The following TMEM232 variants were observed in gnomAD, a reference collection of about 807,000 sequenced individuals.
TMEM232 encodes transmembrane protein 232.
Under a neutral mutation model 78.8 loss-of-function variants are expected in TMEM232, and 80 were observed. That is an observed-to-expected ratio of 1.01 (90% CI 0.85 to 1.22). TMEM232 has a LOEUF of 1.22. Ranked by LOEUF, TMEM232 falls within the 50% of genes most tolerant of loss-of-function variation. The probability of loss-of-function intolerance (pLI) is 0.00; values close to 1 mark genes in which losing one functional copy is unlikely to be tolerated. For missense variants in TMEM232, 881 were observed against 742.2 expected, an observed-to-expected ratio of 1.19 and a Z score of -2.17; for synonymous variants, 297 against 254.3, an observed-to-expected ratio of 1.17 and a Z score of -1.60.
At chr5:110,635,688 A>T (rs1337051898) in intron 5 of TMEM232, among the ~76,000 whole-genome samples, 1 of 151,954 alleles carries the variant, frequency 6.6e-6, no homozygotes, top group Non-Finnish European at 1.5e-5. Context: ...AAAATAATAA[A>T]GACCATATAC....
At chr5:110,665,436 TCA>T (rs1353646297) in intron 2 of TMEM232, among the ~76,000 whole-genome samples, 1 of 152,038 alleles carries the variant, frequency 6.6e-6, no homozygotes, top group Non-Finnish European at 1.5e-5. Flanking sequence ...TTTAATTGAC[TCA>T]CAGTTCCGCA....
chr5:110,710,289 C>T (rs1477580700), intron 1 of TMEM232, among the ~76,000 whole-genome samples: 1 of 151,918 alleles, frequency 6.6e-6, no homozygotes, highest in Non-Finnish European at 1.5e-5. Context: ...GTGCAGGACT[C>T]AATGGTTTCA....
chr5:110,402,175 A>ATATTTCAGTT lies in TMEM232; in HGVS notation n.309-4331_309-4322dup, dbSNP rs374829206. ...TTGCATCATTGCTCATTTCCTACAGATATTTCAGTTTGCAATCCCCGTTCT... is the reference window on the plus strand; with the variant it reads ...TTGCATCATTGCTCATTTCCTACAGATATTTCAGTTTATTTCAGTTTGCAATCCCCGTTCT... On this transcript the variant is annotated intron_variant and non_coding_transcript_variant, in intron 2 of 8. Transcript: ENST00000507188. Among the ~76,000 whole-genome samples, 11 of 152,192 alleles carry ATATTTCAGTT rather than the reference A, an allele frequency of 7.2e-5. No homozygotes were observed. In the East Asian group the frequency reaches 1.7e-3, roughly 24 times the overall value.
intron 12 of TMEM232, among the ~76,000 whole-genome samples, chr5:110,429,608 T>C (rs1757607091): frequency 6.6e-6 from 1 of 151,728 alleles, no homozygotes; most frequent in Non-Finnish European, 1.5e-5. Flanking sequence ...ATATTGTTTT[T>C]ATCTCAGGAA....
intron 8 of TMEM232, among the ~76,000 whole-genome samples, chr5:110,614,422 T>C (rs1206629583): frequency 6.6e-6 from 1 of 152,116 alleles, no homozygotes; most frequent in Non-Finnish European, 1.5e-5. Context: ...GTATTGTCTC[T>C]AATGCCCTAC....
chr5:110,658,369 C>T (rs1789364646), intron 2 of TMEM232, among the ~76,000 whole-genome samples: 4 of 152,040 alleles, frequency 2.6e-5, no homozygotes, highest in South Asian at 2.1e-4. Context: ...TTAGATTTTA[C>T]GTTTCTGTTT....
At chr5:110,625,594 G>T (rs1421692299) in intron 6 of TMEM232, 161 bp from the exon 7 acceptor site, 2 of 512,152 alleles carry the variant, frequency 3.9e-6, no homozygotes, top group Non-Finnish European at 6.3e-6. Context: ...CCCCCTGGTG[G>T]TATAATAGAA....
At chr5:110,556,092 T>C (rs542266243) in intron 11 of TMEM232, among the ~76,000 whole-genome samples, 1 of 152,178 alleles carries the variant, frequency 6.6e-6, no homozygotes, top group African/African-American at 2.4e-5. Context: ...ATCTAAGTAC[T>C]TAAGTGCATT....
intron 12 of TMEM232, among the ~76,000 whole-genome samples, chr5:110,483,829 A>C (rs1764175929): frequency 6.6e-6 from 1 of 152,198 alleles, no homozygotes; most frequent in South Asian, 2.1e-4. Context: ...AGGAAAATTG[A>C]TATTGTTCTA....
At chr5:110,650,579 C>A (rs1211827443) in intron 2 of TMEM232, among the ~76,000 whole-genome samples, 2 of 152,076 alleles carry the variant, frequency 1.3e-5, no homozygotes, top group African/African-American at 2.4e-5. Context: ...CTGGTAAACC[C>A]AGTATAATCA....
chr5:110,571,872 T>C (rs1176607150), intron 10 of TMEM232, among the ~76,000 whole-genome samples: 5 of 151,800 alleles, frequency 3.3e-5, no homozygotes, highest in African/African-American at 9.7e-5. Flanking sequence ...GATTAAATCG[T>C]AGATGTTTGA....
intron 2 of TMEM232, among the ~76,000 whole-genome samples, chr5:110,654,342 G>T (rs994671813): frequency 6.6e-6 from 1 of 152,116 alleles, no homozygotes; most frequent in Non-Finnish European, 1.5e-5. Context: ...TGTAAGGAAG[G>T]GATCCAGTTT....
intron 11 of TMEM232, among the ~76,000 whole-genome samples, chr5:110,540,552 G>T (rs1469379405): frequency 6.6e-6 from 1 of 152,176 alleles, no homozygotes; most frequent in Non-Finnish European, 1.5e-5. Flanking sequence ...ACATTCATAT[G>T]TTAGCCAGCC....
chr5:110,391,291 A>ATATGTG (rs1554071701), intron 3 of TMEM232, among the ~76,000 whole-genome samples: 11 of 130,664 alleles, frequency 8.4e-5, no homozygotes, highest in Non-Finnish European at 1.3e-4. Context: ...TCCCGTTTGA[A>ATATGTG]TGTGTGTGTG....
At chr5:110,522,093 A>T (rs1769606553) in intron 12 of TMEM232, among the ~76,000 whole-genome samples, 1 of 152,118 alleles carries the variant, frequency 6.6e-6, no homozygotes, top group African/African-American at 2.4e-5. Context: ...TGTATTCTTT[A>T]TTTCACCAAG....
Position 110,499,633 on chromosome 5 carries a change from C to CA in TMEM232, c.1703+28954_1703+28955insT, listed in dbSNP as rs147124892. 1.6e-4 allele frequency among the ~76,000 whole-genome samples: 18 copies of CA among 113,264 alleles called. 1 individual carries two copies. The South Asian group carries it at 5.4e-3, about 34-fold the overall frequency. 74.3% of individuals were successfully genotyped at this position (113,264 alleles called of 152,430 possible). The stretch of plus-strand genomic sequence containing the variant: ...GGGAAAAATATATGTATACACCCCC[C>CA]CCCACACACACACATATATATATAT... On this transcript the variant is annotated intron_variant, in intron 12 of 13. Transcript: ENST00000455884.
intron 12 of TMEM232, among the ~76,000 whole-genome samples, chr5:110,499,525 G>C (rs1185756892): frequency 6.6e-6 from 1 of 151,838 alleles, no homozygotes; most frequent in Non-Finnish European, 1.5e-5. Context: ...CAAAGTGCCA[G>C]GATTACAGGC....
chr5:110,667,689 C>T (rs898030006), intron 1 of TMEM232: 1 of 162,362 alleles, frequency 6.2e-6, no homozygotes, highest in African/African-American at 2.4e-5. Context: ...GCCTCAGCTT[C>T]CTCACCTGTA....
At chr5:110,705,600 T>C (rs570111606) in intron 1 of TMEM232, among the ~76,000 whole-genome samples, 188 of 149,730 alleles carry the variant, frequency 1.3e-3, no homozygotes, top group African/African-American at 4.0e-3. Flanking sequence ...ACCAACCATT[T>C]TGGATGCAGA....
Sources: allele counts gnomAD v4.1 joint callset (sites outside exome capture counted in the v4.1 genomes callset), GRCh38; gene constraint gnomAD v4.1.1; transcripts MANE v1.5; gene names NCBI Gene and HGNC (gene_info 2026-07-23, HGNC 2026-07-21).